KMT2C: variants seen among roughly 807,000 people sequenced by gnomAD.
KMT2C encodes the protein lysine methyltransferase 2C.
In KMT2C, 88 loss-of-function variants were observed where a neutral mutation model predicts 507.9. The observed-to-expected ratio is 0.17, with a 90% confidence interval of 0.15 to 0.21. The LOEUF (loss-of-function observed/expected upper bound fraction) is 0.21, where lower values mean the gene tolerates loss of function less well. KMT2C is among the 10% of genes least tolerant of loss of function. The pLI, the probability that KMT2C is intolerant of heterozygous loss-of-function variation, is 1.00. For missense variants in KMT2C, 4,954 were observed against 5,957.8 expected (o/e 0.83, Z 5.55); for synonymous variants, 2,049 against 2,080.8 (o/e 0.98, Z 0.42).
At chr7:152,304,233 G>T (rs1803324197) in intron 6 of KMT2C, among the ~76,000 whole-genome samples, 1 of 151,954 alleles carries the variant, frequency 6.6e-6, no homozygotes, top group Non-Finnish European at 1.5e-5. Flanking sequence ...TAAAAAAACA[G>T]GTTCTCCCCA....
At chr7:152,390,925 T>G (rs1178856015) in intron 1 of KMT2C, among the ~76,000 whole-genome samples, 2 of 151,978 alleles carry the variant, frequency 1.3e-5, no homozygotes, top group Non-Finnish European at 2.9e-5. Flanking sequence ...GGCAGATGGA[T>G]CACGAGGTCA....
intron 2 of KMT2C, among the ~76,000 whole-genome samples, chr7:152,357,589 G>T (rs200011729): frequency 6.6e-6 from 1 of 151,712 alleles, no homozygotes; most frequent in East Asian, 1.9e-4. Context: ...CTTTTCAGTA[G>T]TAAAAGTAAC....
At position 152,162,883 on chromosome 7, in the gene KMT2C, TTAGCTACTGGAG is replaced by T; in HGVS notation, c.10682_10693del (p.Pro3561_Asn3565delinsHis). The T allele has an allele frequency of 1.9e-6, 3 of 1,614,198 alleles. No individual in the cohort carries two copies. Among genetic ancestry groups the T allele is most frequent in the Non-Finnish European group, 2.5e-6 (3 of 1,180,036 alleles). ...ATCTTGGCCACATGGGAGACTGCTA[TTAGCTACTGGAG>T]GTGCTGCTGGTAAAGCAGGTGTAAA... On this transcript the variant is annotated inframe_deletion, in exon 43 of 59. Coordinates refer to ENST00000262189, the MANE Select transcript of KMT2C (RefSeq NM_170606.3).
intron 1 of KMT2C, among the ~76,000 whole-genome samples, chr7:152,424,260 T>C (rs1031112248): frequency 6.6e-6 from 1 of 151,564 alleles, no homozygotes; most frequent in South Asian, 2.1e-4. Context: ...ACTAAAGGCA[T>C]GTACTACCAC....
chr7:152,433,923 A>C (rs532531741), intron 1 of KMT2C, among the ~76,000 whole-genome samples: 1 of 152,406 alleles, frequency 6.6e-6, no homozygotes, highest in African/African-American at 2.4e-5. Context: ...GTGTGACAAC[A>C]TAGATCTAAT....
intron 49 of KMT2C, among the ~76,000 whole-genome samples, chr7:152,151,855 C>T (rs949238012): frequency 2.3e-4 from 35 of 151,818 alleles, no homozygotes; most frequent in Admixed American, 2.3e-3. Flanking sequence ...AGAGAGATTA[C>T]TATTCAGTCT....
Position 152,163,257 on chromosome 7 carries a change from C to T in KMT2C, c.10320G>A (p.Glu3440=). The change falls in exon 43 of 59, where the codon GAG becomes GAA. Residue 3440 remains glutamate (E), a synonymous_variant. Transcript: ENST00000262189. The part of the protein sequence containing the change: ...EMEQHGMVGS[E]ISSSRTSVSQ... ...ACACAGATGTCCTACTACTACTTATCTCAGAGCCCACCATACCATGCTGCT... is the reference window on the plus strand; with the variant it reads ...ACACAGATGTCCTACTACTACTTATTTCAGAGCCCACCATACCATGCTGCT... The T allele has an allele frequency of 6.2e-7, 1 of 1,614,216 alleles. No homozygotes were observed. Among genetic ancestry groups the T allele is most frequent in the Non-Finnish European group, 8.5e-7 (1 of 1,180,046 alleles).
At chr7:152,202,450 G>C (rs759545372) in intron 26 of KMT2C, among the ~76,000 whole-genome samples, 1 of 152,146 alleles carries the variant, frequency 6.6e-6, no homozygotes, top group Non-Finnish European at 1.5e-5. Flanking sequence ...TTTCTGATGT[G>C]TATTTTGGAA....
intron 1 of KMT2C, among the ~76,000 whole-genome samples, chr7:152,375,453 T>C (rs994272132): frequency 1.3e-5 from 2 of 151,702 alleles, no homozygotes; most frequent in African/African-American, 2.4e-5. Flanking sequence ...TGGGATGATC[T>C]TGGCTCAATG....
rs1183047635 is a variant in KMT2C at position 152,228,606 on chromosome 7, T to C, written c.2976+1317A>G. Among the ~76,000 whole-genome samples, 6 of 152,330 alleles carry C rather than the reference T, an allele frequency of 3.9e-5. No homozygotes were observed. In the East Asian group the frequency reaches 7.7e-4, roughly 20 times the overall value. On this transcript the variant is annotated intron_variant, in intron 18 of 58. Transcript: ENST00000262189. Reference sequence around the variant, plus strand: ...GCACTAATTGTCCAATCTTAACTTATGTAAGTCGTACTCATCTGTAAAATG... The same window carrying C: ...GCACTAATTGTCCAATCTTAACTTACGTAAGTCGTACTCATCTGTAAAATG...
At chr7:152,435,472 C>T (rs2097909349) in intron 1 of KMT2C, among the ~76,000 whole-genome samples, 154 bp downstream of exon 1, 1 of 145,696 alleles carries the variant, frequency 6.9e-6, no homozygotes, top group South Asian at 2.1e-4. Flanking sequence ...GGGCGCGGGG[C>T]CGGGGCCGGG....
chr7:152,276,202 C>T (rs1003710383), intron 6 of KMT2C, among the ~76,000 whole-genome samples: 1 of 152,170 alleles, frequency 6.6e-6, no homozygotes, highest in Non-Finnish European at 1.5e-5. Context: ...ATGAAGAGCA[C>T]TCGGCATTAA....
At chr7:152,289,290 T>C (rs3951738) in intron 6 of KMT2C, among the ~76,000 whole-genome samples, 4 of 152,306 alleles carry the variant, frequency 2.6e-5, no homozygotes, top group East Asian at 3.9e-4. Context: ...ACATTCTCAA[T>C]TGGCACTACA....
chr7:152,385,789 T>C (rs967403150), intron 1 of KMT2C, among the ~76,000 whole-genome samples: 4 of 151,602 alleles, frequency 2.6e-5, no homozygotes, highest in Non-Finnish European at 2.9e-5. Context: ...TTATAAACGA[T>C]ATCACATTAT....
chr7:152,163,485 T>C lies in KMT2C; in HGVS notation c.10092A>G (p.Thr3364=), dbSNP rs112548125. ...PIAQLPIKTC[T]PAPGTVSNAN... ...CATTTGAGACTGTCCCTGGGGCTGG[T>C]GTACAAGTTTTTATTGGTAACTGGG... The change falls in exon 43 of 59, where the codon ACA becomes ACG. Residue 3364 remains threonine (T), a synonymous_variant. Coordinates refer to ENST00000262189, the MANE Select transcript of KMT2C (RefSeq NM_170606.3). 2.2e-5 allele frequency: 36 copies of C among 1,614,008 alleles called. 1 individual carries two copies. The highest frequency in any genetic ancestry group is 2.1e-4 in the African/African-American group (16 of 75,014).
chr7:152,401,931 T>C (rs2097577030), intron 1 of KMT2C, among the ~76,000 whole-genome samples: 1 of 152,302 alleles, frequency 6.6e-6, no homozygotes, highest in African/African-American at 2.4e-5. Context: ...ACCAACACGG[T>C]GAAACCTCAT....
At chr7:152,323,995 C>A (rs1351821481) in intron 3 of KMT2C, among the ~76,000 whole-genome samples, 1 of 151,452 alleles carries the variant, frequency 6.6e-6, no homozygotes, top group African/African-American at 2.4e-5. Flanking sequence ...ACTAAAAGAA[C>A]CAGTAGTAGA....
intron 3 of KMT2C, among the ~76,000 whole-genome samples, chr7:152,327,794 T>C (rs2096842537): frequency 6.6e-6 from 1 of 151,516 alleles, no homozygotes; most frequent in Non-Finnish European, 1.5e-5. Flanking sequence ...CCGTCTCTAC[T>C]AAAAATACAA....
At chr7:152,179,334 T>G (rs532522859) in intron 37 of KMT2C, among the ~76,000 whole-genome samples, 1 of 152,334 alleles carries the variant, frequency 6.6e-6, no homozygotes, top group East Asian at 1.9e-4. Flanking sequence ...AGGTAGAAAT[T>G]TGGAGAGAGG....
Sources: allele counts gnomAD v4.1 joint callset (sites outside exome capture counted in the v4.1 genomes callset), GRCh38; gene constraint gnomAD v4.1.1; transcripts MANE v1.5; gene names NCBI Gene and HGNC (gene_info 2026-07-23, HGNC 2026-07-21).